The following GSDMA variants were observed in gnomAD, a reference collection of about 807,000 sequenced individuals.
GSDMA encodes the protein gasdermin-A.
A neutral mutation model predicts 54.3 loss-of-function variants in GSDMA; 55 were observed. That is an observed-to-expected ratio of 1.01 (90% CI 0.82 to 1.27). The LOEUF (loss-of-function observed/expected upper bound fraction) is 1.27. GSDMA is among the 50% of genes most tolerant of loss of function. GSDMA has a pLI of 0.00. For synonymous variants in GSDMA, 211 were observed against 224.7 expected, an observed-to-expected ratio of 0.94 and a Z score of 0.54; for missense variants, 542 against 542.6, an observed-to-expected ratio of 1.00 and a Z score of 0.01.
chr17:39,974,185 G>A, intron 8 of GSDMA, 88 bp from the exon 9 acceptor site: 1 of 1,355,684 alleles, frequency 7.4e-7, no homozygotes, highest in Non-Finnish European at 9.9e-7. Flanking sequence ...CCTAAAGGGG[G>A]CTGAGTGTAG....
chr17:39,968,078 C>T (rs925759729), intron 3 of GSDMA, among the ~76,000 whole-genome samples: 5 of 152,172 alleles, frequency 3.3e-5, no homozygotes, highest in Middle Eastern at 3.4e-3. Flanking sequence ...AGGCTGATCT[C>T]GAACTCCTGA....
intron 6 of GSDMA, 46 bp from the exon 7 acceptor site, chr17:39,972,541 A>C (rs777831838): frequency 1.9e-6 from 3 of 1,602,836 alleles, no homozygotes; most frequent in Non-Finnish European, 2.6e-6. Flanking sequence ...ATGAAAAGGC[A>C]AAAATGGGTT....
rs58338887 is a variant in GSDMA, at chr17:39,970,658, AACACACACACAC to A, written c.558+26_558+37del. 49 of 1,353,086 alleles carry A rather than the reference AACACACACACAC, an allele frequency of 3.6e-5. No homozygotes were observed. The highest frequency in any genetic ancestry group is 2.6e-4 in the Middle Eastern group (1 of 3,920). 83.8% of individuals were successfully genotyped at this position (1,353,086 alleles called of 1,614,324 possible). A position where few individuals can be genotyped will look rare whatever the true frequency, so the allele number is the denominator to read the frequency against. ...CCATTGGGGCTACAGGTTTGATTCA[AACACACACACAC>A]ACACACACACACACTCTCACACTCA... On this transcript the variant is annotated intron_variant, in intron 4 of 11. Transcript: ENST00000301659.
At position 39,968,282 on chromosome 17, in the gene GSDMA, C is replaced by T. The variant is rs979838296; in HGVS notation, c.392+1845C>T. Among the ~76,000 whole-genome samples, 11 of 150,990 alleles carry T rather than the reference C, an allele frequency of 7.3e-5. No homozygotes were observed. In the East Asian group the frequency reaches 9.7e-4, roughly 13 times the overall value. ...CTTGTACTCCTGACCTGAGGTGATC[C>T]GCCTGCCTCAGCCCCCAAAAGTGCT... is the stretch of plus-strand genomic sequence containing the variant. On this transcript the variant is annotated intron_variant, in intron 3 of 11. Transcript: ENST00000301659.
intron 10 of GSDMA, 107 bp downstream of exon 10, chr17:39,975,121 C>T: frequency 1.4e-6 from 1 of 721,622 alleles, no homozygotes; most frequent in Non-Finnish European, 2.5e-6. Flanking sequence ...ACAAATTATA[C>T]CACAGTTAAG....
rs1218567491 is a variant in GSDMA, at chr17:39,971,547, T to C, written c.582T>C (p.Ala194=). 6.2e-7 allele frequency: 1 copy of C among 1,613,748 alleles called. No homozygotes were observed. Among genetic ancestry groups the C allele is most frequent in the Non-Finnish European group, 8.5e-7 (1 of 1,179,676 alleles). Residue 194 remains alanine, a synonymous_variant, in exon 5 of 12, where the codon GCT becomes GCC. Coordinates refer to ENST00000301659, the MANE Select transcript of GSDMA (RefSeq NM_178171.5). ...GLQGSINHKE[A]VTIPKGCVLA... is the part of the protein sequence containing the mutation. ...AGGGATCCATAAATCACAAGGAGGC[T>C]GTAACCATCCCCAAGGGCTGCGTCC...
chr17:39,974,476 T>G, intron 9 of GSDMA, 49 bp downstream of exon 9: 3 of 1,505,426 alleles, frequency 2.0e-6, no homozygotes, highest in Non-Finnish European at 1.8e-6. Flanking sequence ...CATGTTTTGG[T>G]GAAGATTTGG....
At chr17:39,974,564 C>A in intron 9 of GSDMA, 137 bp downstream of exon 9, 1 of 956,596 alleles carries the variant, frequency 1.0e-6, no homozygotes, top group Non-Finnish European at 1.5e-6. Flanking sequence ...ACCTTAGATA[C>A]CTTCCCCAAG....
At chr17:39,972,100 T>TTGCCCCCCCCCCCC in intron 5 of GSDMA, 29 bp from the exon 6 acceptor site, 3 of 835,094 alleles carry the variant, frequency 3.6e-6, no homozygotes, top group East Asian at 2.5e-5. Flanking sequence ...CTAAGTGTCC[T>TTGCCCCCCCCCCCC]CCCACCCTCC....
At chr17:39,969,211 G>A (rs1286781954) in intron 3 of GSDMA, among the ~76,000 whole-genome samples, 1 of 151,966 alleles carries the variant, frequency 6.6e-6, no homozygotes, top group East Asian at 1.9e-4. Context: ...TATTAGCCGG[G>A]CATGGTGGTG....
chr17:39,972,051 C>A (rs917952100), intron 5 of GSDMA, 78 bp from the exon 6 acceptor site: 6 of 993,186 alleles, frequency 6.0e-6, no homozygotes, highest in Admixed American at 6.0e-5. Context: ...TAGCAGAGCC[C>A]TTTGGCTTGA....
chr17:39,972,666 C>T, intron 7 of GSDMA, 53 bp downstream of exon 7: 1 of 1,499,528 alleles, frequency 6.7e-7, no homozygotes, highest in Non-Finnish European at 9.2e-7. Flanking sequence ...AATTTTAAAA[C>T]TCCAGTCTTT....
chr17:39,965,312 TAAAGAAAG>T lies in GSDMA; in HGVS notation c.-5-355_-5-348del, dbSNP rs369515779. Among the ~76,000 whole-genome samples, 26 of 93,810 alleles carry T rather than the reference TAAAGAAAG, an allele frequency of 2.8e-4. 1 individual carries two copies. The highest frequency in any genetic ancestry group is 2.4e-3 in the East Asian group (6 of 2,474). The allele number at this position is 93,810 out of a possible 152,430, so 61.5% of individuals were successfully genotyped here. A position where few individuals can be genotyped will look rare whatever the true frequency, so the allele number is the denominator to read the frequency against. ...AAAGAAAGAAAGAAAGAGAAATAAA[TAAAGAAAG>T]AAAGAAAGAAAGAAAAAGAAAAGAA... On this transcript the variant is annotated intron_variant, in intron 1 of 11. Coordinates refer to ENST00000301659, the MANE Select transcript of GSDMA (RefSeq NM_178171.5).
chr17:39,976,382 G>A (rs982028090), intron 11 of GSDMA, among the ~76,000 whole-genome samples: 27 of 151,378 alleles, frequency 1.8e-4, no homozygotes, highest in Middle Eastern at 3.4e-3. Flanking sequence ...GGGTTCAAGC[G>A]ATTCTCCTGC....
At position 39,971,525 on chromosome 17, in the gene GSDMA, G is replaced by A; in HGVS notation, c.560G>A (p.Gly187Glu). 6.2e-7 allele frequency: 1 copy of A among 1,610,874 alleles called. No individual in the cohort carries two copies. Among genetic ancestry groups the A allele is most frequent in the Non-Finnish European group, 8.5e-7 (1 of 1,177,180 alleles). ...CAAATTCTCATTGTCTAATTCTAGG[G>A]ATCCATAAATCACAAGGAGGCTGTA... is the stretch of plus-strand genomic sequence containing the variant. ...LPFFAPLGLQ[G>E]SINHKEAVTI... The change falls in exon 5 of 12, where the codon GGA becomes GAA. Residue 187 changes from glycine to glutamate, a missense_variant and splice_region_variant. Transcript: ENST00000301659.
rs372872894 is a variant in GSDMA, at chr17:39,965,357, G to A, written c.-5-326G>A. On this transcript the variant is annotated intron_variant, in intron 1 of 11. Transcript: ENST00000301659. ...GAAAAAGAAAAGAAAGAAAAGAAGT[G>A]CTCCAGCTGGGCTCCGTGGCAGTGA... 2.2e-4 allele frequency among the ~76,000 whole-genome samples: 33 copies of A among 152,170 alleles called. No individual in the cohort carries two copies. In the South Asian group the frequency reaches 5.9e-3, roughly 27 times the overall value.
chr17:39,969,778 C>T (rs182420696), intron 3 of GSDMA, among the ~76,000 whole-genome samples: 18 of 151,892 alleles, frequency 1.2e-4, no homozygotes, highest in East Asian at 7.7e-4. Flanking sequence ...CGCTTGAACC[C>T]GGGAGGCAGA....
At position 39,977,764 on chromosome 17, in the gene GSDMA, A is replaced by G. The variant is rs1231849035; in HGVS notation, c.*706A>G. ...TAATGGAAAATATTATGTCAATCTT[A>G]GGAATGATATGTCTTTTGGTGTTTT... On this transcript the variant is annotated 3_prime_UTR_variant, in exon 12 of 12. Transcript: ENST00000301659. 6.6e-6 allele frequency: 1 copy of G among 152,354 alleles called. No homozygotes were observed. Among genetic ancestry groups the G allele is most frequent in the African/African-American group, 2.4e-5 (1 of 41,476 alleles). The allele number at this position is 152,354 out of a possible 1,614,324, so 9.4% of individuals were successfully genotyped here.
intron 11 of GSDMA, among the ~76,000 whole-genome samples, 180 bp from the exon 12 acceptor site, chr17:39,976,636 G>A (rs1034915522): frequency 2.0e-5 from 3 of 152,232 alleles, no homozygotes; most frequent in African/African-American, 4.8e-5. Flanking sequence ...TGTAAAATGG[G>A]GCTAAAAATC....
Sources: allele counts gnomAD v4.1 joint callset (sites outside exome capture counted in the v4.1 genomes callset), GRCh38; gene constraint gnomAD v4.1.1; transcripts MANE v1.5; gene names NCBI Gene and HGNC (gene_info 2026-07-23, HGNC 2026-07-21).